The following LHPP variants were observed in gnomAD, a reference collection of about 807,000 sequenced individuals.
LHPP encodes the protein hLHPP.
In LHPP, 24 loss-of-function variants were observed where a neutral mutation model predicts 30.3. The observed-to-expected ratio is 0.79, with a 90% CI of 0.57 to 1.11. The LOEUF (loss-of-function observed/expected upper bound fraction) is 1.11. LHPP is among the 50% of genes most tolerant of loss of function. LHPP has a pLI of 0.00. For missense variants in LHPP, 356 were observed against 367.2 expected (o/e 0.97, Z 0.25); for synonymous variants, 150 against 157.1 (o/e 0.95, Z 0.34).
chr10:124,472,142 G>A (rs772462723), intron 1 of LHPP, among the ~76,000 whole-genome samples: 8 of 150,924 alleles, frequency 5.3e-5, no homozygotes, highest in Non-Finnish European at 8.9e-5. Context: ...TGAAACCCCC[G>A]TCTTTACTAA....
chr10:124,477,074 G>C (rs534631115), intron 1 of LHPP, among the ~76,000 whole-genome samples: 1 of 152,182 alleles, frequency 6.6e-6, no homozygotes, highest in Admixed American at 6.5e-5. Context: ...ATGGTGGCAC[G>C]CGCCTGTAGT....
intron 6 of LHPP, among the ~76,000 whole-genome samples, chr10:124,571,091 G>T (rs994180621): frequency 6.6e-6 from 1 of 152,242 alleles, no homozygotes; most frequent in Non-Finnish European, 1.5e-5. Context: ...CGCCATGTGA[G>T]ACATGCCTTT....
chr10:124,512,220 A>G (rs1040022308), intron 5 of LHPP, among the ~76,000 whole-genome samples: 4 of 152,242 alleles, frequency 2.6e-5, no homozygotes, highest in African/African-American at 9.6e-5. Flanking sequence ...AAAGGTATCA[A>G]GTAACCAGGG....
intron 6 of LHPP, among the ~76,000 whole-genome samples, chr10:124,529,436 C>G (rs942009025): frequency 6.6e-6 from 1 of 152,134 alleles, no homozygotes; most frequent in African/African-American, 2.4e-5. Flanking sequence ...GCTCCCCCTT[C>G]TCATGGGTGA....
intron 5 of LHPP, among the ~76,000 whole-genome samples, chr10:124,502,596 C>T (rs1421557708): frequency 1.3e-5 from 2 of 150,912 alleles, no homozygotes; most frequent in Admixed American, 6.6e-5. Context: ...GTCTCGATCT[C>T]CTGACCTCGT....
rs1011054220 is a variant in LHPP, at chr10:124,593,438, C to T, written c.717-19826C>T. Among the ~76,000 whole-genome samples the T allele has an allele frequency of 5.3e-5, 8 of 152,216 alleles. No individual in the cohort carries two copies. Among genetic ancestry groups the T allele is most frequent in the African/African-American group, 1.9e-4 (8 of 41,466 alleles). On this transcript the variant is annotated intron_variant, in intron 6 of 6. Coordinates refer to ENST00000368842, the MANE Select transcript of LHPP (RefSeq NM_022126.4). This position sits in a 1 kb window ranked among gnomAD's most constrained non-coding sequence, Gnocchi z 4.9. ...GAGAGGTTGCATCCTAAAGGCCCTC[C>T]ATCTCTCAGGTTGGGGGATCACTCT...
rs137920122 is a variant in LHPP, at chr10:124,477,225, G to A, written c.126-6914G>A. Among the ~76,000 whole-genome samples the A allele has an allele frequency of 2.6e-5, 4 of 152,286 alleles. No individual in the cohort carries two copies. In the East Asian group the frequency reaches 7.7e-4, roughly 29 times the overall value. ...CTCAAAACAAAAACATTTCATGCCAGTGGCATTGCTGAGGGCCTGGGGCTG... is the reference window on the plus strand; with the variant it reads ...CTCAAAACAAAAACATTTCATGCCAATGGCATTGCTGAGGGCCTGGGGCTG... On this transcript the variant is annotated intron_variant, in intron 1 of 6. Coordinates refer to ENST00000368842, the MANE Select transcript of LHPP (RefSeq NM_022126.4).
chr10:124,489,558 G>A (rs542382973), intron 3 of LHPP, among the ~76,000 whole-genome samples: 11 of 152,178 alleles, frequency 7.2e-5, no homozygotes, highest in African/African-American at 2.2e-4. Flanking sequence ...GGGTTCAAGC[G>A]ATTCTCCTGC....
At chr10:124,602,011 T>C (rs990967054) in intron 6 of LHPP, among the ~76,000 whole-genome samples, 1 of 152,168 alleles carries the variant, frequency 6.6e-6, no homozygotes, top group Non-Finnish European at 1.5e-5. Flanking sequence ...CTGCACTGCC[T>C]CTTCGTAGTG....
chr10:124,497,277 TCCCCATCCTCCCCATCCTCC>T (rs1953750729), intron 4 of LHPP, among the ~76,000 whole-genome samples: 6 of 80,404 alleles, frequency 7.5e-5, no homozygotes, highest in African/African-American at 2.8e-4. Flanking sequence ...CTCCCCATCC[TCCCCATCCTCCCCATCCTCC>T]AGTGGGCGCA....
chr10:124,573,581 G>T (rs1242336516), intron 6 of LHPP, among the ~76,000 whole-genome samples: 1 of 152,216 alleles, frequency 6.6e-6, no homozygotes, highest in Non-Finnish European at 1.5e-5. Flanking sequence ...AAAGTGCTGG[G>T]ATTACAGGCA....
chr10:124,593,775 C>T lies in LHPP; in HGVS notation c.717-19489C>T, dbSNP rs1948909903. On this transcript the variant is annotated intron_variant, in intron 6 of 6. Transcript: ENST00000368842. This position sits in a 1 kb window ranked among gnomAD's most constrained non-coding sequence, Gnocchi z 4.9. ...GCGCGTTTGACGCAGGAGGTTTTGC[C>T]GGCGCCAGGGGCTCCCTCGGCTGAC... is the stretch of plus-strand genomic sequence containing the variant. Among the ~76,000 whole-genome samples, 1 of 152,248 alleles carries T rather than the reference C, an allele frequency of 6.6e-6. No homozygotes were observed. The highest frequency in any genetic ancestry group is 1.5e-5 in the Non-Finnish European group (1 of 68,032).
intron 6 of LHPP, among the ~76,000 whole-genome samples, chr10:124,543,629 C>G (rs1955259502): frequency 6.6e-6 from 1 of 152,248 alleles, no homozygotes; most frequent in Admixed American, 6.5e-5. Flanking sequence ...TCTTGCACTT[C>G]TCAGCTGTGT....
intron 1 of LHPP, among the ~76,000 whole-genome samples, chr10:124,482,101 G>T (rs940758998): frequency 1.3e-5 from 2 of 152,194 alleles, no homozygotes; most frequent in Non-Finnish European, 2.9e-5. Context: ...TTCACACTGG[G>T]TTCAGTTTGA....
In LHPP at chr10:124,517,729, A is replaced by G. The variant is rs1201517851; in HGVS notation, c.716+458A>G. On this transcript the variant is annotated intron_variant, in intron 6 of 6. Transcript: ENST00000368842. This position sits in a 1 kb window ranked among gnomAD's most constrained non-coding sequence, Gnocchi z 4.1. ...GCCTGGAGACGACAGAGGGTTGCTC[A>G]GGCATGCCCTGGAGCAGAACCTCCA... Among the ~76,000 whole-genome samples, 1 of 152,198 alleles carries G rather than the reference A, an allele frequency of 6.6e-6. No homozygotes were observed. Among genetic ancestry groups the G allele is most frequent in the African/African-American group, 2.4e-5 (1 of 41,452 alleles).
intron 6 of LHPP, among the ~76,000 whole-genome samples, chr10:124,601,417 T>G (rs1759480148): frequency 6.6e-6 from 1 of 152,190 alleles, no homozygotes; most frequent in African/African-American, 2.4e-5. Flanking sequence ...GTGAATTGGG[T>G]GAGGGCCTGA....
chr10:124,530,026 G>A (rs979307521), intron 6 of LHPP, among the ~76,000 whole-genome samples: 2 of 151,818 alleles, frequency 1.3e-5, no homozygotes, highest in African/African-American at 4.8e-5. Flanking sequence ...CAGGCCACCC[G>A]CATGCATCCC....
At chr10:124,608,186 G>T (rs1181941505) in intron 6 of LHPP, among the ~76,000 whole-genome samples, 1 of 152,124 alleles carries the variant, frequency 6.6e-6, no homozygotes. Flanking sequence ...TCCTGATCCA[G>T]TGCCTGTGCC....
At chr10:124,563,602 A>G (rs981897829) in intron 6 of LHPP, among the ~76,000 whole-genome samples, 3 of 152,138 alleles carry the variant, frequency 2.0e-5, no homozygotes, top group African/African-American at 2.4e-5. Context: ...ATCAATGTCA[A>G]TTGTTGACTT....
Sources: allele counts gnomAD v4.1 joint callset (sites outside exome capture counted in the v4.1 genomes callset), GRCh38; gene constraint gnomAD v4.1.1; non-coding constraint Gnocchi (gnomAD v3.1); transcripts MANE v1.5; gene names NCBI Gene and HGNC (gene_info 2026-07-23, HGNC 2026-07-21).